Variants in SLC6A3 observed in about 807,000 individuals in gnomAD.
SLC6A3 encodes sodium-dependent dopamine transporter.
Under a neutral mutation model 70.4 loss-of-function variants are expected in SLC6A3, and 19 were observed. That is an observed-to-expected ratio of 0.27 (90% CI 0.19 to 0.40). The LOEUF is 0.40. Ranked by LOEUF, SLC6A3 falls within the 10% of genes least tolerant of loss-of-function variation. The pLI, the probability that SLC6A3 is intolerant of heterozygous loss-of-function variation, is 1.00. For synonymous variants in SLC6A3, 368 were observed against 356.6 expected (o/e 1.03, Z -0.36); for missense variants, 613 against 838.5 (o/e 0.73, Z 3.32).
chr5:1,411,128 G>A lies in SLC6A3; in HGVS notation c.1269+115C>T, dbSNP rs73030144. 0.016 allele frequency: 12,319 copies of A among 748,878 alleles called. 990 individuals are homozygous for A. The African/African-American group carries it at 0.18, about 11-fold the overall frequency. The allele number at this position is 748,878 out of a possible 1,614,324, so 46.4% of individuals were successfully genotyped here. On this transcript the variant is annotated intron_variant, in intron 9 of 14. Coordinates refer to ENST00000270349, the MANE Select transcript of SLC6A3 (RefSeq NM_001044.5). The surrounding 1 kb of genome is among the most constrained non-coding windows in gnomAD (Gnocchi z 6.5). ...GGCTCGCCCAAGTCAAGGACAGGAG[G>A]TCTGGGGGCCGTACGTGAGCCCAGG... is the stretch of plus-strand genomic sequence containing the variant.
intron 11 of SLC6A3, among the ~76,000 whole-genome samples, chr5:1,407,110 T>A (rs1027085998): frequency 6.6e-6 from 1 of 152,242 alleles, no homozygotes; most frequent in Non-Finnish European, 1.5e-5. Flanking sequence ...AAATGCATAT[T>A]TTTCTTTCAC....
chr5:1,443,280 G>T, intron 1 of SLC6A3, 38 bp from the exon 2 acceptor site: 2 of 1,494,890 alleles, frequency 1.3e-6, no homozygotes, highest in Non-Finnish European at 1.9e-6. Context: ...CAACAGGAAC[G>T]CAACAATTCA....
chr5:1,409,943 C>G lies in SLC6A3; in HGVS notation c.1270-94G>C. On this transcript the variant is annotated intron_variant, in intron 9 of 14. Coordinates refer to ENST00000270349, the MANE Select transcript of SLC6A3 (RefSeq NM_001044.5). The stretch of plus-strand genomic sequence containing the variant: ...ACTTGTCACCCAGTGGACGCACACC[C>G]GGGGATGGACACGGAACAGGGGCCA... 3 of 1,512,650 alleles carry G rather than the reference C, an allele frequency of 2.0e-6. No homozygotes were observed. The South Asian group carries it at 3.4e-5, about 17-fold the overall frequency. 93.7% of individuals were successfully genotyped at this position (1,512,650 alleles called of 1,614,324 possible). A position where few individuals can be genotyped will look rare whatever the true frequency, so the allele number is the denominator to read the frequency against.
intron 4 of SLC6A3, among the ~76,000 whole-genome samples, chr5:1,431,808 A>T (rs2126392996): frequency 6.6e-6 from 1 of 152,238 alleles, no homozygotes; most frequent in East Asian, 1.9e-4. Flanking sequence ...GGAGAAGGAG[A>T]CAGAGACCCA....
Position 1,409,142 on chromosome 5 carries a change from C to G in SLC6A3, c.1399-17G>C, listed in dbSNP as rs1251867766. 7 of 1,574,628 alleles carry G rather than the reference C, an allele frequency of 4.4e-6. No homozygotes were observed. The highest frequency in any genetic ancestry group is 6.1e-6 in the Non-Finnish European group (7 of 1,152,466). Reference sequence around the variant, plus strand: ...GATGCCACCCTGGAAGAGAGGGGAGCCTGTGGACCTACAGAAGGGCTTTCC... The same window carrying G: ...GATGCCACCCTGGAAGAGAGGGGAGGCTGTGGACCTACAGAAGGGCTTTCC... On this transcript the variant is annotated splice_polypyrimidine_tract_variant and intron_variant, in intron 10 of 14. Coordinates refer to ENST00000270349, the MANE Select transcript of SLC6A3 (RefSeq NM_001044.5).
rs996191180 is a variant in SLC6A3, at chr5:1,438,356, G to A, written c.418+3003C>T. Among the ~76,000 whole-genome samples, 1 of 152,230 alleles carries A rather than the reference G, an allele frequency of 6.6e-6. No individual in the cohort carries two copies. Among genetic ancestry groups the A allele is most frequent in the African/African-American group, 2.4e-5 (1 of 41,452 alleles). On this transcript the variant is annotated intron_variant, in intron 3 of 14. Coordinates refer to ENST00000270349, the MANE Select transcript of SLC6A3 (RefSeq NM_001044.5). The surrounding 1 kb of genome is among the most constrained non-coding windows in gnomAD (Gnocchi z 6.5). ...ATGGAATGCGGGATTGTGGGCACAG[G>A]GTCTGTGACACAGAGGAGACGACTG...
chr5:1,421,843 C>G lies in SLC6A3; in HGVS notation c.792+33G>C, dbSNP rs1341710679. The G allele has an allele frequency of 6.2e-7, 1 of 1,611,644 alleles. No individual in the cohort carries two copies. The highest frequency in any genetic ancestry group is 8.5e-7 in the Non-Finnish European group (1 of 1,179,010). On this transcript the variant is annotated intron_variant, in intron 5 of 14. Coordinates refer to ENST00000270349, the MANE Select transcript of SLC6A3 (RefSeq NM_001044.5). This position sits in a 1 kb window ranked among gnomAD's most constrained non-coding sequence, Gnocchi z 7.2. ...ACATGTCCACTTGGTGGCCCCATGT[C>G]TACAGGCCCAATTGGTGACCCCCGA...
Position 1,437,774 on chromosome 5 carries a change from G to A in SLC6A3, c.418+3585C>T, listed in dbSNP as rs1026556542. ...GAACAACCAGGCTTCCTGGAGAGCT[G>A]GCTTCATTCCCCCATGGAATTGCCA... On this transcript the variant is annotated intron_variant, in intron 3 of 14. Coordinates refer to ENST00000270349, the MANE Select transcript of SLC6A3 (RefSeq NM_001044.5). The surrounding 1 kb of genome is among the most constrained non-coding windows in gnomAD (Gnocchi z 4.8). 6.6e-6 allele frequency among the ~76,000 whole-genome samples: 1 copy of A among 152,224 alleles called. No homozygotes were observed. The highest frequency in any genetic ancestry group is 1.5e-5 in the Non-Finnish European group (1 of 68,036).
rs540888614 is a variant in SLC6A3 at position 1,404,207 on chromosome 5, C to T, written c.1600-1118G>A. Among the ~76,000 whole-genome samples, 5 of 152,310 alleles carry T rather than the reference C, an allele frequency of 3.3e-5. No individual in the cohort carries two copies. The highest frequency in any genetic ancestry group is 1.9e-4 in the East Asian group (1 of 5,184). On this transcript the variant is annotated intron_variant, in intron 12 of 14. Transcript: ENST00000270349. This position sits in a 1 kb window ranked among gnomAD's most constrained non-coding sequence, Gnocchi z 5.2. Reference sequence around the variant, plus strand: ...TTCGGGCCACTTGTAGGTTTGGAGCCGGCTAGCGGAGGACTGGGATGGGGG... The same window carrying T: ...TTCGGGCCACTTGTAGGTTTGGAGCTGGCTAGCGGAGGACTGGGATGGGGG...
chr5:1,409,907 G>T (rs1160556371), intron 9 of SLC6A3, 58 bp from the exon 10 acceptor site: 13 of 1,606,884 alleles, frequency 8.1e-6, no homozygotes, highest in African/African-American at 4.0e-5. Context: ...CCGCAGCCTG[G>T]GCCAAGACCT....
rs1169259193 is a variant in SLC6A3, at chr5:1,401,751, C to T, written c.1768-765G>A. Among the ~76,000 whole-genome samples, 1 of 152,266 alleles carries T rather than the reference C, an allele frequency of 6.6e-6. No individual in the cohort carries two copies. The highest frequency in any genetic ancestry group is 1.5e-5 in the Non-Finnish European group (1 of 68,044). On this transcript the variant is annotated intron_variant, in intron 13 of 14. Coordinates refer to ENST00000270349, the MANE Select transcript of SLC6A3 (RefSeq NM_001044.5). The surrounding 1 kb of genome is among the most constrained non-coding windows in gnomAD (Gnocchi z 6.1). The stretch of plus-strand genomic sequence containing the variant: ...GCCGGGCTGTAGGCATCCTCCAGCT[C>T]TGCGCTGACCTGGGCCCCGCCTCCC...
rs779629197 is a variant in SLC6A3 at position 1,438,297 on chromosome 5, C to G, written c.418+3062G>C. ...CCTGCGGCCACACTTTGCAGCCCTC[C>G]TCTGGGACTAGTCTTCAGAACGAAG... On this transcript the variant is annotated intron_variant, in intron 3 of 14. Coordinates refer to ENST00000270349, the MANE Select transcript of SLC6A3 (RefSeq NM_001044.5). The surrounding 1 kb of genome is among the most constrained non-coding windows in gnomAD (Gnocchi z 6.5). Among the ~76,000 whole-genome samples the G allele has an allele frequency of 6.6e-6, 1 of 152,270 alleles. No homozygotes were observed. The highest frequency in any genetic ancestry group is 1.5e-5 in the Non-Finnish European group (1 of 68,044).
At position 1,442,967 on chromosome 5, in the gene SLC6A3, A is replaced by G. The variant is rs545025448; in HGVS notation, c.231T>C (p.Ala77=). 1 of 1,614,230 alleles carries G rather than the reference A, an allele frequency of 6.2e-7. No individual in the cohort carries two copies. The highest frequency in any genetic ancestry group is 2.2e-5 in the East Asian group (1 of 44,876). Residue 77 remains alanine, a synonymous_variant, in exon 2 of 15, where the codon GCT becomes GCC. Transcript: ENST00000270349. The surrounding 1 kb of genome is among the most constrained non-coding windows in gnomAD (Gnocchi z 5.0). Reference sequence around the variant, plus strand: ...ACCGCCAGACGTTGGCCAGGTCCACAGCAAAGCCAATGACGGACAGGAGAA... The same window carrying G: ...ACCGCCAGACGTTGGCCAGGTCCACGGCAAAGCCAATGACGGACAGGAGAA... ...IDFLLSVIGF[A]VDLANVWRFP...
chr5:1,424,628 C>A (rs1337655048), intron 4 of SLC6A3, among the ~76,000 whole-genome samples: 2 of 152,218 alleles, frequency 1.3e-5, no homozygotes, highest in Non-Finnish European at 2.9e-5. Context: ...AATGCCCATA[C>A]ATGGCACAGG....
Position 1,411,211 on chromosome 5 carries a change from G to T in SLC6A3, c.1269+32C>A. 6.8e-7 allele frequency: 1 copy of T among 1,469,076 alleles called. No individual in the cohort carries two copies. The highest frequency in any genetic ancestry group is 2.5e-5 in the East Asian group (1 of 40,582). The allele number at this position is 1,469,076 out of a possible 1,614,324, so 91.0% of individuals were successfully genotyped here. On this transcript the variant is annotated intron_variant, in intron 9 of 14. Coordinates refer to ENST00000270349, the MANE Select transcript of SLC6A3 (RefSeq NM_001044.5). The surrounding 1 kb of genome is among the most constrained non-coding windows in gnomAD (Gnocchi z 6.5). ...CTCGGGTGGAAGGAACCCAACTGCC[G>T]AGGACAGGGCCGGGCGGTGCGGGTT... is the stretch of plus-strand genomic sequence containing the variant.
At chr5:1,409,557 A>T (rs1013955413) in intron 10 of SLC6A3, among the ~76,000 whole-genome samples, 164 bp downstream of exon 10, 2 of 152,192 alleles carry the variant, frequency 1.3e-5, no homozygotes, top group Admixed American at 1.3e-4. Flanking sequence ...CTGGATGTGC[A>T]GTTACCCTGT....
chr5:1,409,525 G>GAA (rs1296512119), intron 10 of SLC6A3, among the ~76,000 whole-genome samples, 196 bp downstream of exon 10: 4 of 152,192 alleles, frequency 2.6e-5, no homozygotes, highest in African/African-American at 9.7e-5. Flanking sequence ...TCCAGGTGCT[G>GAA]AAGTGACTCT....
chr5:1,442,925 G>A lies in SLC6A3; in HGVS notation c.273C>T (p.Tyr91=). 1 of 1,614,174 alleles carries A rather than the reference G, an allele frequency of 6.2e-7. No homozygotes were observed. The highest frequency in any genetic ancestry group is 8.5e-7 in the Non-Finnish European group (1 of 1,180,032). ...ANVWRFPYLC[Y]KNGGGAFLVP... Reference sequence around the variant, plus strand: ...GATGGGACTTACCGCCACCATTTTTGTAGCACAGGTAGGGGAACCGCCAGA... The same window carrying A: ...GATGGGACTTACCGCCACCATTTTTATAGCACAGGTAGGGGAACCGCCAGA... Residue 91 remains tyrosine (Y), a synonymous_variant, in exon 2 of 15, where the codon TAC becomes TAT. Transcript: ENST00000270349. The surrounding 1 kb of genome is among the most constrained non-coding windows in gnomAD (Gnocchi z 5.0).
chr5:1,409,763 G>C lies in SLC6A3; in HGVS notation c.1356C>G (p.Ile452Met). ...HRHRELFTLF[I>M]VLATFLLSLF... Reference sequence around the variant, plus strand: ...GGGACAGGAGGAAGGTCGCCAGGACGATGAAGAGCGTGAAGAGCTCACGGT... The same window carrying C: ...GGGACAGGAGGAAGGTCGCCAGGACCATGAAGAGCGTGAAGAGCTCACGGT... Residue 452 changes from isoleucine (I) to methionine (M), a missense_variant, in exon 10 of 15, where the codon ATC (isoleucine) becomes ATG (methionine). Coordinates refer to ENST00000270349, the MANE Select transcript of SLC6A3 (RefSeq NM_001044.5). 6.2e-7 allele frequency: 1 copy of C among 1,613,460 alleles called. No individual in the cohort carries two copies. The highest frequency in any genetic ancestry group is 8.5e-7 in the Non-Finnish European group (1 of 1,180,016).
Sources: allele counts gnomAD v4.1 joint callset (sites outside exome capture counted in the v4.1 genomes callset), GRCh38; gene constraint gnomAD v4.1.1; non-coding constraint Gnocchi (gnomAD v3.1); transcripts MANE v1.5; gene names NCBI Gene and HGNC (gene_info 2026-07-23, HGNC 2026-07-21).